The following POLN variants were observed in gnomAD, a reference collection of about 807,000 sequenced individuals.
POLN encodes the protein DNA polymerase N.
POLN carries 108 observed loss-of-function variants against 113.5 expected under a neutral mutation model. The observed-to-expected ratio is 0.95, with a 90% CI of 0.81 to 1.12. The LOEUF (loss-of-function observed/expected upper bound fraction) is 1.12, where lower values mean the gene tolerates loss of function less well. Among genes scored for constraint, POLN ranks in the 50% most tolerant of loss-of-function variants. POLN has a pLI of 0.00. For synonymous variants in POLN, 386 were observed against 391.5 expected, an observed-to-expected ratio of 0.99 and a Z score of 0.17; for missense variants, 1,097 against 1,077.1, an observed-to-expected ratio of 1.02 and a Z score of -0.26.
intron 9 of POLN, among the ~76,000 whole-genome samples, 159 bp downstream of exon 9, chr4:2,176,107 T>C (rs1732988253): frequency 6.6e-6 from 1 of 152,244 alleles, no homozygotes; most frequent in Non-Finnish European, 1.5e-5. Context: ...GTTCTTATCA[T>C]TCTAGACAAC....
chr4:2,224,757 C>T (rs909803410), intron 3 of POLN, among the ~76,000 whole-genome samples: 10 of 152,038 alleles, frequency 6.6e-5, no homozygotes, highest in African/African-American at 2.4e-4. Flanking sequence ...TCAAGATCAG[C>T]CTGGCCAACA....
intron 3 of POLN, among the ~76,000 whole-genome samples, chr4:2,225,485 G>A (rs567846673): frequency 6.0e-5 from 9 of 150,938 alleles, no homozygotes; most frequent in African/African-American, 9.8e-5. Context: ...AACCCAGGAG[G>A]GGGGGTTGCA....
rs71167780 is a variant in POLN, at chr4:2,211,250, AAATAATAATAATAATAATAAT to A, written c.213+1776_213+1796del. On this transcript the variant is annotated intron_variant, in intron 4 of 25. Coordinates refer to ENST00000511885, the MANE Select transcript of POLN (RefSeq NM_181808.4). ...GGTGACAGAGCGAGACTCCGTCTCCAAATAATAATAATAATAATAATAATAATAATAATAATAATAATAATA... is the reference window on the plus strand; with the variant it reads ...GGTGACAGAGCGAGACTCCGTCTCCAAATAATAATAATAATAATAATAATA... 3.9e-3 allele frequency among the ~76,000 whole-genome samples: 550 copies of A among 139,816 alleles called. 8 individuals are homozygous for A. Among genetic ancestry groups the A allele is most frequent in the African/African-American group, 0.014 (523 of 38,104 alleles). The allele number at this position is 139,816 out of a possible 152,430, so 91.7% of individuals were successfully genotyped here. A position where few individuals can be genotyped will look rare whatever the true frequency, so the allele number is the denominator to read the frequency against.
chr4:2,168,396 C>T (rs1276200111), intron 13 of POLN, among the ~76,000 whole-genome samples: 1 of 152,222 alleles, frequency 6.6e-6, no homozygotes, highest in Admixed American at 6.5e-5. Context: ...TGAATTTGGC[C>T]ACATACCTGG....
chr4:2,115,501 A>G (rs1260199980), intron 19 of POLN, among the ~76,000 whole-genome samples: 3 of 152,170 alleles, frequency 2.0e-5, no homozygotes, highest in African/African-American at 7.2e-5. Context: ...CATTTTAATC[A>G]TAATTTTTAA....
intron 19 of POLN, among the ~76,000 whole-genome samples, chr4:2,096,368 C>T (rs1322527686): frequency 6.6e-6 from 1 of 152,168 alleles, no homozygotes; most frequent in Non-Finnish European, 1.5e-5. Context: ...TGGCCTCCCA[C>T]AGACAGAGGC....
chr4:2,210,962 T>TAAATAAAA (rs1560095257), intron 4 of POLN, among the ~76,000 whole-genome samples: 9 of 143,972 alleles, frequency 6.3e-5, no homozygotes, highest in Admixed American at 2.8e-4. Flanking sequence ...AATAAATAAA[T>TAAATAAAA]AAAATAGTCC....
intron 23 of POLN, among the ~76,000 whole-genome samples, chr4:2,077,624 T>C (rs1362922815): frequency 6.6e-6 from 1 of 152,258 alleles, no homozygotes; most frequent in Non-Finnish European, 1.5e-5. Flanking sequence ...GGACTTACTT[T>C]TCAAATGGGC....
At chr4:2,103,707 G>C (rs1170654347) in intron 19 of POLN, among the ~76,000 whole-genome samples, 1 of 152,150 alleles carries the variant, frequency 6.6e-6, no homozygotes, top group Non-Finnish European at 1.5e-5. Context: ...GTCCGCAAGA[G>C]AGAAGCATCT....
intron 16 of POLN, among the ~76,000 whole-genome samples, chr4:2,147,022 G>C (rs1340506841): frequency 2.0e-5 from 3 of 152,090 alleles, no homozygotes; most frequent in African/African-American, 7.2e-5. Flanking sequence ...CAAATATCCA[G>C]CTAAATAATC....
chr4:2,212,884 T>A (rs1034595007), intron 4 of POLN, among the ~76,000 whole-genome samples, 163 bp downstream of exon 4: 3 of 151,778 alleles, frequency 2.0e-5, no homozygotes, highest in African/African-American at 7.3e-5. Context: ...TGCCCCTCCC[T>A]GCATCCAAAT....
At chr4:2,173,766 C>CA (rs1732925391) in intron 11 of POLN, among the ~76,000 whole-genome samples, 189 bp downstream of exon 11, 1 of 152,120 alleles carries the variant, frequency 6.6e-6, no homozygotes, top group African/African-American at 2.4e-5. Context: ...GACACACACG[C>CA]ACTAGATGCT....
intron 13 of POLN, among the ~76,000 whole-genome samples, chr4:2,165,251 G>T (rs1732701253): frequency 6.6e-6 from 1 of 152,196 alleles, no homozygotes; most frequent in Non-Finnish European, 1.5e-5. Flanking sequence ...CTGCTGAAAA[G>T]AAATGAACTA....
At position 2,213,341 on chromosome 4, in the gene POLN, T is replaced by G. The variant is rs148797311; in HGVS notation, c.134-215A>C. ...TACCTTCAAGTTAACTGAAGATAAC[T>G]CTATATAATCATAAAACATTTATTA... On this transcript the variant is annotated intron_variant, in intron 3 of 25. Coordinates refer to ENST00000511885, the MANE Select transcript of POLN (RefSeq NM_181808.4). Among the ~76,000 whole-genome samples, 58 of 152,342 alleles carry G rather than the reference T, an allele frequency of 3.8e-4. 1 individual carries two copies. The highest frequency in any genetic ancestry group is 1.4e-3 in the African/African-American group (57 of 41,582).
At position 2,193,276 on chromosome 4, in the gene POLN, TA is replaced by T. The variant is rs760988318; in HGVS notation, c.948del (p.Ile317PhefsTer9). The part of the protein sequence containing the change: ...LFQTMKCKCP[V>X]ICFNAKDFVR... ...ACAAAATCCTTAGCATTAAAACAAA[TA>T]ACAGGACATTTACATTTCATTGTTT... On this transcript the variant is annotated frameshift_variant, in exon 7 of 26. Coordinates refer to ENST00000511885, the MANE Select transcript of POLN (RefSeq NM_181808.4). LOFTEE classifies it high-confidence loss of function. The T allele has an allele frequency of 6.2e-7, 1 of 1,610,194 alleles. No individual in the cohort carries two copies. Among genetic ancestry groups the T allele is most frequent in the South Asian group, 1.1e-5 (1 of 90,370 alleles).
At chr4:2,100,368 C>T (rs138992852) in intron 19 of POLN, among the ~76,000 whole-genome samples, 1 of 151,978 alleles carries the variant, frequency 6.6e-6, no homozygotes, top group African/African-American at 2.4e-5. Flanking sequence ...ACAGAAACTA[C>T]AATAAAAGAA....
At chr4:2,161,621 C>G (rs1051646935) in intron 13 of POLN, among the ~76,000 whole-genome samples, 4 of 152,342 alleles carry the variant, frequency 2.6e-5, no homozygotes, top group African/African-American at 7.2e-5. Context: ...GGCGCCCAGT[C>G]CCATCGACCA....
intron 16 of POLN, among the ~76,000 whole-genome samples, chr4:2,139,274 G>A (rs1203357583): frequency 6.6e-6 from 1 of 152,234 alleles, no homozygotes; most frequent in Non-Finnish European, 1.5e-5. Flanking sequence ...GGAGCTTGGG[G>A]CCCGCAGCTC....
At position 2,208,037 on chromosome 4, in the gene POLN, C is replaced by T; in HGVS notation, c.664G>A (p.Val222Met). ...CCATCAGTATACATCACAGTTATCA[C>T]CAGGGCTGCTGCCTGTTTGAGCATT... ...IEMLKQAAAL[V>M]ITVMYTDGST... Residue 222 changes from valine to methionine, a missense_variant, in exon 5 of 26, where the codon GTG becomes ATG. Physicochemically the swap from Val to Met is conservative, Grantham distance 21. Coordinates refer to ENST00000511885, the MANE Select transcript of POLN (RefSeq NM_181808.4). 1 of 1,614,110 alleles carries T rather than the reference C, an allele frequency of 6.2e-7. No homozygotes were observed. The highest frequency in any genetic ancestry group is 8.5e-7 in the Non-Finnish European group (1 of 1,180,002).
Sources: gnomAD v4.1 joint callset for allele counts (sites outside exome capture counted in the v4.1 genomes callset) on GRCh38, gnomAD v4.1.1 for gene constraint, MANE v1.5 for transcripts, NCBI Gene and HGNC (gene_info 2026-07-23, HGNC 2026-07-21) for gene names.